Variants in SNF8 observed in about 807,000 individuals in gnomAD.
SNF8 encodes vacuolar-sorting protein SNF8.
A neutral mutation model predicts 36.8 loss-of-function variants in SNF8; 19 were observed. That is an observed-to-expected ratio of 0.52 (90% CI 0.36 to 0.76). SNF8 has a LOEUF of 0.76. Ranked by LOEUF, SNF8 falls within the 30% of genes least tolerant of loss-of-function variation. SNF8 has a pLI of 0.00. For synonymous variants in SNF8, 127 were observed against 127.4 expected (o/e 1.00, Z 0.02); for missense variants, 268 against 322.9 (o/e 0.83, Z 1.30).
intron 5 of SNF8, among the ~76,000 whole-genome samples, chr17:48,934,014 T>C (rs2040898647): frequency 6.6e-6 from 1 of 152,262 alleles, no homozygotes; most frequent in African/African-American, 2.4e-5. Context: ...CTGACTATTA[T>C]TGCCAAGTGG....
chr17:48,936,100 G>T, intron 5 of SNF8, 70 bp downstream of exon 5: 1 of 1,081,072 alleles, frequency 9.3e-7, no homozygotes. Flanking sequence ...GAGGAATAGG[G>T]AGAAAAGAGT....
rs1567783147 is a variant in SNF8 at position 48,930,664 on chromosome 17, C to CAAAGG, written c.640-57_640-53dup. The CAAAGG allele has an allele frequency of 2.5e-6, 4 of 1,579,008 alleles. No individual in the cohort carries two copies. In the South Asian group the frequency reaches 4.6e-5, roughly 18 times the overall value. ...TTTGAGAACAGGGAGGTTCCATAGA[C>CAAAGG]AAAGGGTAGGTAAGCAACCCCCACA... On this transcript the variant is annotated intron_variant, in intron 7 of 7. Coordinates refer to ENST00000502492, the MANE Select transcript of SNF8 (RefSeq NM_007241.4).
chr17:48,944,043 C>T, intron 1 of SNF8, 68 bp from the exon 2 acceptor site: 3 of 1,494,456 alleles, frequency 2.0e-6, no homozygotes, highest in South Asian at 1.1e-5. Context: ...GTGGCTCACG[C>T]CTGTAATCCC....
chr17:48,939,381 A>G (rs1198548874), intron 3 of SNF8, among the ~76,000 whole-genome samples: 1 of 151,710 alleles, frequency 6.6e-6, no homozygotes, highest in Non-Finnish European at 1.5e-5. Flanking sequence ...TGAAGGCTGC[A>G]GTGGGCTGAT....
chr17:48,930,660 T>C (rs201514751), intron 7 of SNF8, 48 bp from the exon 8 acceptor site: 68 of 1,587,726 alleles, frequency 4.3e-5, no homozygotes, highest in Non-Finnish European at 5.3e-5. Flanking sequence ...GGAGGTTCCA[T>C]AGACAAAGGG....
intron 5 of SNF8, 55 bp downstream of exon 5, chr17:48,936,115 T>C: frequency 2.3e-6 from 3 of 1,277,870 alleles, no homozygotes; most frequent in Non-Finnish European, 3.4e-6. Context: ...AAGAGTTCCA[T>C]CTGAATTTTA....
chr17:48,944,617 T>C (rs1365235895), intron 1 of SNF8, 64 bp downstream of exon 1: 4 of 1,550,826 alleles, frequency 2.6e-6, no homozygotes, highest in Non-Finnish European at 3.6e-6. Context: ...AGGACACTGC[T>C]CCGGGACAAT....
At chr17:48,941,408 C>T (rs1395913905) in intron 2 of SNF8, among the ~76,000 whole-genome samples, 2 of 152,070 alleles carry the variant, frequency 1.3e-5, no homozygotes, top group Non-Finnish European at 2.9e-5. Flanking sequence ...TATTCCTTTT[C>T]TTTTTCCCAG....
intron 6 of SNF8, 167 bp from the exon 7 acceptor site, chr17:48,931,884 T>C: frequency 3.7e-6 from 2 of 543,034 alleles, no homozygotes; most frequent in Non-Finnish European, 6.5e-6. Context: ...GAGAAGTGAC[T>C]TTCAGCATGA....
At chr17:48,938,867 C>T (rs1379485433) in intron 3 of SNF8, among the ~76,000 whole-genome samples, 1 of 150,614 alleles carries the variant, frequency 6.6e-6, no homozygotes, top group Admixed American at 6.6e-5. Flanking sequence ...GAGCGAGACT[C>T]CGTCTCAAAA....
rs1451815125 is a variant in SNF8 at position 48,930,427 on chromosome 17, C to T, written c.*48G>A. The T allele has an allele frequency of 4.9e-6, 7 of 1,441,160 alleles. No homozygotes were observed. The highest frequency in any genetic ancestry group is 6.4e-6 in the Non-Finnish European group (7 of 1,086,994). 89.3% of individuals were successfully genotyped at this position (1,441,160 alleles called of 1,614,324 possible). ...AACAAAATTGCCCAGGTTTATTTGC[C>T]ACCTCCGCCTCCTCCCTGCCTGCTG... On this transcript the variant is annotated 3_prime_UTR_variant, in exon 8 of 8. Coordinates refer to ENST00000502492, the MANE Select transcript of SNF8 (RefSeq NM_007241.4).
chr17:48,936,021 T>TTTGTG (rs2143803080), intron 5 of SNF8, 149 bp downstream of exon 5: 1 of 512,094 alleles, frequency 2.0e-6, no homozygotes, highest in Non-Finnish European at 3.3e-6. Flanking sequence ...TTATTTTTTG[T>TTTGTG]TTGTTTTTTG....
intron 2 of SNF8, among the ~76,000 whole-genome samples, chr17:48,943,411 C>T (rs1013925792): frequency 6.6e-6 from 1 of 152,118 alleles, no homozygotes; most frequent in Non-Finnish European, 1.5e-5. Context: ...GAATTTGAGA[C>T]CAGTCTGACC....
chr17:48,933,279 C>T lies in SNF8; in HGVS notation c.490G>A (p.Gly164Ser). 1.2e-6 allele frequency: 2 copies of T among 1,614,124 alleles called. No individual in the cohort carries two copies. Among genetic ancestry groups the T allele is most frequent in the Non-Finnish European group, 1.7e-6 (2 of 1,180,024 alleles). Residue 164 changes from glycine (G) to serine (S), a missense_variant, in exon 6 of 8, where the codon GGC (glycine) becomes AGC (serine). Coordinates refer to ENST00000502492, the MANE Select transcript of SNF8 (RefSeq NM_007241.4). ...LGTGFGIIPV[G>S]GTYLIQSVPA... ...ACAGACTGAATGAGGTAAGTGCCGC[C>T]CACAGGGATGATGCCGAAGCCAGTG...
At chr17:48,933,452 C>T in intron 5 of SNF8, 106 bp from the exon 6 acceptor site, 3 of 1,302,314 alleles carry the variant, frequency 2.3e-6, no homozygotes, top group Non-Finnish European at 3.3e-6. Context: ...TAGAAGACTG[C>T]ACAACTGCCA....
intron 5 of SNF8, chr17:48,935,822 A>G (rs532425268): frequency 2.8e-5 from 5 of 178,936 alleles, no homozygotes; most frequent in Admixed American, 5.9e-5. Flanking sequence ...TTTTAAATCT[A>G]TATTTTCTGT....
Position 48,943,960 on chromosome 17 carries a change from G to T in SNF8, c.70C>A (p.Arg24=), listed in dbSNP as rs771709237. ...TGGTCCTCAGCCAAGACCGTCCCTC[G>T]CTCCTTATACTTGGCCTGTCAGACA... The part of the protein sequence containing the change: ...KKLAEAKYKE[R]GTVLAEDQLA... The change falls in exon 2 of 8, where the codon CGA becomes AGA. Residue 24 remains arginine, a synonymous_variant. Coordinates refer to ENST00000502492, the MANE Select transcript of SNF8 (RefSeq NM_007241.4). 1.9e-6 allele frequency: 3 copies of T among 1,613,804 alleles called. No homozygotes were observed. The highest frequency in any genetic ancestry group is 3.3e-4 in the Middle Eastern group (2 of 6,062).
At chr17:48,931,084 CATT>C (rs1319615292) in intron 7 of SNF8, among the ~76,000 whole-genome samples, 1 of 152,126 alleles carries the variant, frequency 6.6e-6, no homozygotes, top group African/African-American at 2.4e-5. Flanking sequence ...TGTCCAATAT[CATT>C]AGGTAAATAA....
intron 2 of SNF8, among the ~76,000 whole-genome samples, chr17:48,941,549 C>T (rs943055278): frequency 2.0e-5 from 3 of 152,184 alleles, no homozygotes; most frequent in Admixed American, 6.6e-5. Context: ...AAAAGTGAAG[C>T]GTCACATGAA....
Sources: gnomAD v4.1 joint callset for allele counts (sites outside exome capture counted in the v4.1 genomes callset) on GRCh38, gnomAD v4.1.1 for gene constraint, MANE v1.5 for transcripts, NCBI Gene and HGNC (gene_info 2026-07-23, HGNC 2026-07-21) for gene names.